Variants in PCSK6 observed in about 807,000 individuals in gnomAD.
PCSK6 encodes the protein paired basic amino acid cleaving enzyme 4.
PCSK6 carries 85 observed loss-of-function variants against 123.3 expected under a neutral mutation model. The ratio of observed to expected loss-of-function variants is 0.69; its 90% CI spans 0.58 to 0.83. The LOEUF is 0.83. PCSK6 is among the 40% of genes least tolerant of loss of function. PCSK6 has a pLI of 0.00. For synonymous variants in PCSK6, 508 were observed against 516.0 expected (o/e 0.98, Z 0.21); for missense variants, 1,191 against 1,282.3 (o/e 0.93, Z 1.09).
In PCSK6 at chr15:101,387,600, G is replaced by A. The variant is rs114447771; in HGVS notation, c.1310+1864C>T. Reference sequence around the variant, plus strand: ...TTGAAAATGTTTTTTGATGAAGAACGGATGTTTGAAAAGTACCAAGACTGT... The same window carrying A: ...TTGAAAATGTTTTTTGATGAAGAACAGATGTTTGAAAAGTACCAAGACTGT... On this transcript the variant is annotated intron_variant, in intron 9 of 21. Coordinates refer to ENST00000611716, the MANE Select transcript of PCSK6 (RefSeq NM_002570.5). Among the ~76,000 whole-genome samples, 1,321 of 152,338 alleles carry A rather than the reference G, an allele frequency of 8.7e-3. 17 individuals carry two copies. The highest frequency in any genetic ancestry group is 0.031 in the African/African-American group (1,274 of 41,568).
At chr15:101,357,540 C>A (rs1483115210) in intron 13 of PCSK6, among the ~76,000 whole-genome samples, 1 of 152,222 alleles carries the variant, frequency 6.6e-6, no homozygotes, top group African/African-American at 2.4e-5. Flanking sequence ...ACATTCAGTG[C>A]TGGGGCTGGT....
chr15:101,478,240 G>C (rs2057781054), intron 1 of PCSK6, among the ~76,000 whole-genome samples: 1 of 152,124 alleles, frequency 6.6e-6, no homozygotes, highest in African/African-American at 2.4e-5. Flanking sequence ...CTGTGTAATG[G>C]GATTAATAGT....
chr15:101,389,720 A>G (rs1019222588), intron 8 of PCSK6, among the ~76,000 whole-genome samples, 156 bp from the exon 9 acceptor site: 3 of 152,248 alleles, frequency 2.0e-5, no homozygotes, highest in Non-Finnish European at 4.4e-5. Context: ...CGGCAACCAC[A>G]GGTTTCCACA....
chr15:101,367,073 C>A lies in PCSK6; in HGVS notation c.1722-741G>T, dbSNP rs1170974393. ...GGGGGAGGAGACAGCTCCCCCACCC[C>A]CAGCAGTACCCTCCTTGCAAGTCCT... On this transcript the variant is annotated intron_variant, in intron 12 of 21. Transcript: ENST00000611716. Among the ~76,000 whole-genome samples, 5 of 152,288 alleles carry A rather than the reference C, an allele frequency of 3.3e-5. No homozygotes were observed. The East Asian group carries it at 9.7e-4, about 29-fold the overall frequency.
At chr15:101,411,923 G>A (rs1014971541) in intron 6 of PCSK6, among the ~76,000 whole-genome samples, 3 of 152,234 alleles carry the variant, frequency 2.0e-5, no homozygotes, top group African/African-American at 7.2e-5. Flanking sequence ...ACACCCAGCA[G>A]TAACAACGTG....
At chr15:101,458,183 GC>G (rs2141195869) in intron 1 of PCSK6, among the ~76,000 whole-genome samples, 1 of 152,298 alleles carries the variant, frequency 6.6e-6, no homozygotes, top group South Asian at 2.1e-4. Flanking sequence ...ACTGCCATGT[GC>G]ACTATCTCAG....
At chr15:101,463,180 G>A (rs2141211264) in intron 1 of PCSK6, 2 of 451,780 alleles carry the variant, frequency 4.4e-6, no homozygotes, top group South Asian at 3.1e-5. Context: ...GGGCCTTCTG[G>A]TTGGCTCCTT....
Position 101,324,880 on chromosome 15 carries a change from G to C in PCSK6, c.2347C>G (p.Leu783Val), listed in dbSNP as rs1466238642. Residue 783 changes from leucine to valine, a missense_variant, in exon 17 of 22, where the codon CTC becomes GTC. Around this residue, in one of 3 missense-constraint regions of PCSK6, gnomAD observed 630 missense variants for 631.4 expected, o/e 1.00. Transcript: ENST00000611716. ...HHQEMNTCVT[L>V]CPAGFYADES... ...TCAGCATAAAATCCTGCAGGACAGA[G>C]GGTCACACAGGTGTTCATCTCCTGG... The C allele has an allele frequency of 6.2e-7, 1 of 1,613,402 alleles. No homozygotes were observed. Among genetic ancestry groups the C allele is most frequent in the Non-Finnish European group, 8.5e-7 (1 of 1,179,860 alleles).
At chr15:101,355,241 TCAGA>T (rs1470229128) in intron 13 of PCSK6, among the ~76,000 whole-genome samples, 1 of 152,262 alleles carries the variant, frequency 6.6e-6, no homozygotes, top group African/African-American at 2.4e-5. Context: ...ATCAATTGTC[TCAGA>T]CAGTCTATTT....
rs772007096 is a variant in PCSK6, at chr15:101,412,691, T to TTTTATATATATA, written c.824-14116_824-14115insTATATATATAAA. On this transcript the variant is annotated intron_variant, in intron 6 of 21. Coordinates refer to ENST00000611716, the MANE Select transcript of PCSK6 (RefSeq NM_002570.5). ...ACAGAAGAAAGAGTGAACTGGAAAATTATATATATATATATATATATAAAA... is the reference window on the plus strand; with the variant it reads ...ACAGAAGAAAGAGTGAACTGGAAAATTTTATATATATATATATATATATATATATATATAAAA... Among the ~76,000 whole-genome samples the TTTTATATATATA allele has an allele frequency of 6.1e-4, 76 of 124,754 alleles. 1 individual carries two copies. Among genetic ancestry groups the TTTTATATATATA allele is most frequent in the African/African-American group, 2.6e-3 (75 of 28,960 alleles). The allele number at this position is 124,754 out of a possible 152,430, so 81.8% of individuals were successfully genotyped here.
At chr15:101,405,774 C>A (rs1477738065) in intron 6 of PCSK6, among the ~76,000 whole-genome samples, 2 of 151,634 alleles carry the variant, frequency 1.3e-5, no homozygotes, top group African/African-American at 2.4e-5. Context: ...GACAGAGTCT[C>A]CCTCTGTCGC....
intron 6 of PCSK6, among the ~76,000 whole-genome samples, chr15:101,399,261 T>C (rs2042514168): frequency 6.6e-6 from 1 of 152,152 alleles, no homozygotes; most frequent in Non-Finnish European, 1.5e-5. Flanking sequence ...CTGTTGAGAG[T>C]TCACATCTGT....
intron 13 of PCSK6, among the ~76,000 whole-genome samples, chr15:101,338,362 G>A (rs1469243886): frequency 1.3e-5 from 2 of 149,454 alleles, no homozygotes; most frequent in East Asian, 2.0e-4. Context: ...CCACAGTGTC[G>A]GCCCCCCACA....
chr15:101,465,346 G>A (rs1027736284), intron 1 of PCSK6, among the ~76,000 whole-genome samples: 14 of 152,258 alleles, frequency 9.2e-5, no homozygotes, highest in Non-Finnish European at 1.3e-4. Flanking sequence ...CTACTGAGAC[G>A]CACAGGTCCT....
rs372437062 is a variant in PCSK6 at position 101,313,403 on chromosome 15, G to A, written c.2672C>T (p.Pro891Leu). 3.1e-5 allele frequency: 50 copies of A among 1,612,740 alleles called. No homozygotes were observed. Among genetic ancestry groups the A allele is most frequent in the East Asian group, 2.0e-4 (9 of 44,884 alleles). ...TCGACACACTTTGTGGGGCAAGCCC[G>A]GCATCTCTTCTGGGTAGAAGCCCTC... ...CGEGFYPEEM[P>L]GLPHKVCRRC... Residue 891 changes from proline (P) to leucine (L), a missense_variant, in exon 20 of 22, where the codon CCG becomes CTG. Around this residue, in one of 3 missense-constraint regions of PCSK6, gnomAD observed 630 missense variants for 631.4 expected, o/e 1.00. Coordinates refer to ENST00000611716, the MANE Select transcript of PCSK6 (RefSeq NM_002570.5).
chr15:101,307,186 C>T (rs1254893932), intron 21 of PCSK6, 27 bp downstream of exon 21: 2 of 1,562,324 alleles, frequency 1.3e-6, no homozygotes, highest in African/African-American at 1.4e-5. Context: ...CCACAGGCAG[C>T]CCCAGGGTAA....
chr15:101,375,681 C>T (rs886767599), intron 11 of PCSK6, among the ~76,000 whole-genome samples: 1 of 152,146 alleles, frequency 6.6e-6, no homozygotes, highest in African/African-American at 2.4e-5. Flanking sequence ...CGAGCACACT[C>T]CCAGCTGAGG....
chr15:101,440,956 T>C (rs1444961377), intron 2 of PCSK6, among the ~76,000 whole-genome samples: 1 of 152,196 alleles, frequency 6.6e-6, no homozygotes, highest in African/African-American at 2.4e-5. Context: ...GGTTCAGATG[T>C]CTGTGTGCTT....
intron 6 of PCSK6, among the ~76,000 whole-genome samples, chr15:101,412,528 A>G (rs991854306): frequency 6.6e-6 from 1 of 151,902 alleles, no homozygotes; most frequent in African/African-American, 2.4e-5. Context: ...CAAATGAAAA[A>G]ATAGAAAGTC....
Sources: gnomAD v4.1 joint callset for allele counts (sites outside exome capture counted in the v4.1 genomes callset) on GRCh38, gnomAD v4.1.1 for gene constraint, gnomAD v4.1.1 regional missense constraint, MANE v1.5 for transcripts, NCBI Gene and HGNC (gene_info 2026-07-23, HGNC 2026-07-21) for gene names.